Variants in FNIP2 observed in about 807,000 individuals in gnomAD.
The protein encoded by FNIP2 is folliculin interacting protein 2, also known as folliculin-interacting protein 2.
Under a neutral mutation model 108.7 loss-of-function variants are expected in FNIP2, and 32 were observed. That is an observed-to-expected ratio of 0.29 (90% CI 0.22 to 0.40). The LOEUF is 0.40. FNIP2 is among the 10% of genes least tolerant of loss of function. The pLI is 1.00. For missense variants in FNIP2, 1,202 were observed against 1,381.6 expected (o/e 0.87, Z 2.06); for synonymous variants, 480 against 496.7 (o/e 0.97, Z 0.45).
intron 6 of FNIP2, chr4:158,833,839 G>A (rs1358549157): frequency 6.7e-7 from 1 of 1,499,598 alleles, no homozygotes; most frequent in Non-Finnish European, 8.9e-7. Context: ...GCTGCAGGGG[G>A]TAGCTGAAGG....
At chr4:158,840,485 T>C (rs1425694731) in intron 7 of FNIP2, among the ~76,000 whole-genome samples, 3 of 152,150 alleles carry the variant, frequency 2.0e-5, no homozygotes, top group Non-Finnish European at 4.4e-5. Flanking sequence ...AACCTCCGTC[T>C]CCCAGGTTCA....
At chr4:158,878,522 A>G (rs1342768935) in intron 14 of FNIP2, among the ~76,000 whole-genome samples, 1 of 152,228 alleles carries the variant, frequency 6.6e-6, no homozygotes, top group Non-Finnish European at 1.5e-5. Flanking sequence ...TACCCAAGAA[A>G]TAAACATAAA....
rs748800269 is a variant in FNIP2 at position 158,825,935 on chromosome 4, G to C, written c.127G>C (p.Asp43His). 4 of 1,607,498 alleles carry C rather than the reference G, an allele frequency of 2.5e-6. No individual in the cohort carries two copies. Among genetic ancestry groups the C allele is most frequent in the Non-Finnish European group, 3.4e-6 (4 of 1,174,846 alleles). ...PAFSWSCSEF[D>H]LNEIRLIVYQ... ...CCACAGTTGGTCATGTTCGGAGTTTGACCTGAATGAGATTCGCCTGATAGT... is the reference window on the plus strand; with the variant it reads ...CCACAGTTGGTCATGTTCGGAGTTTCACCTGAATGAGATTCGCCTGATAGT... Residue 43 changes from aspartate (D) to histidine (H), a missense_variant, in exon 2 of 17, where the codon GAC (aspartate) becomes CAC (histidine). Coordinates refer to ENST00000264433, the MANE Select transcript of FNIP2 (RefSeq NM_020840.3).
At position 158,904,421 on chromosome 4, in the gene FNIP2, C is replaced by T. The variant is rs765996335; in HGVS notation, c.3267-45C>T. On this transcript the variant is annotated intron_variant, in intron 16 of 16. Transcript: ENST00000264433. The stretch of plus-strand genomic sequence containing the variant: ...AAAGAAATAATACTTTCTCATAAAA[C>T]CATGCTCTTTTAAAGTAATATTCTT... 3.4e-5 allele frequency: 49 copies of T among 1,458,902 alleles called. 1 individual carries two copies. The South Asian group carries it at 5.2e-4, about 16-fold the overall frequency. 90.4% of individuals were successfully genotyped at this position (1,458,902 alleles called of 1,614,324 possible). A position where few individuals can be genotyped will look rare whatever the true frequency, so the allele number is the denominator to read the frequency against.
At chr4:158,799,279 T>C (rs1233421973) in intron 1 of FNIP2, among the ~76,000 whole-genome samples, 1 of 152,230 alleles carries the variant, frequency 6.6e-6, no homozygotes, top group Non-Finnish European at 1.5e-5. Context: ...TTAATTATGT[T>C]ATAGCTGTAC....
intron 14 of FNIP2, among the ~76,000 whole-genome samples, chr4:158,875,343 A>G (rs1781208761): frequency 6.6e-6 from 1 of 151,728 alleles, no homozygotes; most frequent in South Asian, 2.1e-4. Context: ...TTTTTAAAAA[A>G]CAACTATGCT....
chr4:158,870,339 T>G lies in FNIP2; in HGVS notation c.2819T>G (p.Val940Gly), dbSNP rs774789019. The change falls in exon 14 of 17, where the codon GTA becomes GGA. Residue 940 changes from valine to glycine, a missense_variant. This residue lies in a region of FNIP2 where 878 missense variants were observed against 990.3 expected (regional missense o/e 0.89). Transcript: ENST00000264433. Reference sequence around the variant, plus strand: ...TCTCAGAGCATCAGCACCCAGAATGTAAGGAACTTTGGCCGCTCACTTCTG... The same window carrying G: ...TCTCAGAGCATCAGCACCCAGAATGGAAGGAACTTTGGCCGCTCACTTCTG... Reference protein sequence around the residue: ...PRSQSISTQNVRNFGRSLLAG... With the variant: ...PRSQSISTQNGRNFGRSLLAG... The G allele has an allele frequency of 1.9e-6, 3 of 1,614,004 alleles. No homozygotes were observed. The South Asian group carries it at 3.3e-5, about 18-fold the overall frequency.
intron 1 of FNIP2, among the ~76,000 whole-genome samples, chr4:158,781,009 T>A (rs1320623480): frequency 2.1e-5 from 3 of 142,826 alleles, no homozygotes; most frequent in Non-Finnish European, 4.5e-5. Flanking sequence ...CACTCCAGTC[T>A]CAGCAACAGA....
chr4:158,771,278 A>T (rs189435851), intron 1 of FNIP2, among the ~76,000 whole-genome samples: 8 of 152,338 alleles, frequency 5.3e-5, no homozygotes, highest in African/African-American at 1.9e-4. Flanking sequence ...AGATGTGAGC[A>T]AGGATGCTGG....
intron 1 of FNIP2, among the ~76,000 whole-genome samples, chr4:158,770,587 C>T (rs1775664607): frequency 6.6e-6 from 1 of 152,066 alleles, no homozygotes; most frequent in Non-Finnish European, 1.5e-5. Flanking sequence ...TCATGGAAGG[C>T]ATATTGTGAG....
chr4:158,770,928 T>C (rs941869847), intron 1 of FNIP2, among the ~76,000 whole-genome samples: 2 of 152,348 alleles, frequency 1.3e-5, no homozygotes, highest in Admixed American at 6.5e-5. Context: ...GCTCCTTGCC[T>C]AATTGCCTAC....
intron 14 of FNIP2, among the ~76,000 whole-genome samples, chr4:158,871,009 C>T (rs540969262): frequency 1.2e-4 from 18 of 152,320 alleles, no homozygotes; most frequent in South Asian, 6.2e-4. Flanking sequence ...AATTATATGC[C>T]GTCACGGTGA....
At chr4:158,834,462 A>C (rs972441403) in intron 6 of FNIP2, 5 of 152,196 alleles carry the variant, frequency 3.3e-5, no homozygotes, top group African/African-American at 7.2e-5. Context: ...TAAAGTTGTG[A>C]GTATAGCAAA....
Position 158,895,748 on chromosome 4 carries a change from AGT to A in FNIP2, c.3151_3152del (p.Cys1051HisfsTer5). On this transcript the variant is annotated splice_acceptor_variant and coding_sequence_variant, in exon 16 of 17. Transcript: ENST00000264433. LOFTEE classifies it high-confidence loss of function. Reference sequence around the variant, plus strand: ...TCATTGTGAATGTTCTTGGCTTTGCAGTGCATCATGCATCTTGAAGATAGACT... The same window carrying A: ...TCATTGTGAATGTTCTTGGCTTTGCAGCATCATGCATCTTGAAGATAGACT... 1 of 1,589,030 alleles carries A rather than the reference AGT, an allele frequency of 6.3e-7. No homozygotes were observed. Among genetic ancestry groups the A allele is most frequent in the Non-Finnish European group, 8.6e-7 (1 of 1,158,628 alleles).
At position 158,851,399 on chromosome 4, in the gene FNIP2, G is replaced by A. The variant is rs1243318157; in HGVS notation, c.806G>A (p.Arg269His). The change falls in exon 8 of 17, where the codon CGC (arginine) becomes CAC (histidine). Residue 269 changes from arginine (R) to histidine (H), a missense_variant. This residue lies in a region of FNIP2 where 878 missense variants were observed against 990.3 expected (regional missense o/e 0.89). Coordinates refer to ENST00000264433, the MANE Select transcript of FNIP2 (RefSeq NM_020840.3). ...STSSSSSYQR[R>H]WLRSQTTSLE... ...TCTTCTTCCAGCAGTTACCAGCGCC[G>A]CTGGCTTCGAAGTCAGACAACAAGT... is the stretch of plus-strand genomic sequence containing the variant. The A allele has an allele frequency of 7.4e-6, 12 of 1,613,714 alleles. No individual in the cohort carries two copies. The highest frequency in any genetic ancestry group is 2.7e-5 in the African/African-American group (2 of 74,880).
At chr4:158,809,769 G>A (rs1777173838) in intron 1 of FNIP2, among the ~76,000 whole-genome samples, 1 of 152,142 alleles carries the variant, frequency 6.6e-6, no homozygotes, top group Non-Finnish European at 1.5e-5. Context: ...AGAGTCAATT[G>A]TGCTTTACAG....
chr4:158,883,243 G>GT (rs71587483), intron 14 of FNIP2, among the ~76,000 whole-genome samples: 43,531 of 151,158 alleles, frequency 0.29, 7,008 homozygotes, highest in Non-Finnish European at 0.38. Flanking sequence ...TGTGTTTTTT[G>GT]TTTTTTTTGT....
intron 14 of FNIP2, among the ~76,000 whole-genome samples, chr4:158,882,962 C>T (rs942713135): frequency 2.0e-5 from 3 of 151,724 alleles, no homozygotes; most frequent in Non-Finnish European, 2.9e-5. Flanking sequence ...TGCCAAATCC[C>T]CCTCTGTGAG....
intron 1 of FNIP2, among the ~76,000 whole-genome samples, chr4:158,793,661 T>C (rs1776492711): frequency 6.6e-6 from 1 of 152,208 alleles, no homozygotes; most frequent in Admixed American, 6.5e-5. Context: ...TGAGCATACT[T>C]ATGGTTTGGT....
Sources: gnomAD v4.1 joint callset for allele counts (sites outside exome capture counted in the v4.1 genomes callset) on GRCh38, gnomAD v4.1.1 for gene constraint, gnomAD v4.1.1 regional missense constraint, MANE v1.5 for transcripts, NCBI Gene and HGNC (gene_info 2026-07-23, HGNC 2026-07-21) for gene names.